EHBP1: variants seen among roughly 807,000 people sequenced by gnomAD.
The protein encoded by EHBP1 is EH domain binding protein 1.
Under a neutral mutation model 144.0 loss-of-function variants are expected in EHBP1, and 55 were observed. The observed-to-expected ratio is 0.38, with a 90% confidence interval of 0.31 to 0.48. The LOEUF (loss-of-function observed/expected upper bound fraction) is 0.48. Ranked by LOEUF, EHBP1 falls within the 20% of genes least tolerant of loss-of-function variation. The pLI, the probability that EHBP1 is intolerant of heterozygous loss-of-function variation, is 0.98. For missense variants in EHBP1, 1,200 were observed against 1,364.2 expected (o/e 0.88, Z 1.90); for synonymous variants, 469 against 472.7 (o/e 0.99, Z 0.10).
At chr2:62,770,962 A>G (rs1263747160) in intron 4 of EHBP1, among the ~76,000 whole-genome samples, 2 of 152,280 alleles carry the variant, frequency 1.3e-5, no homozygotes, top group Middle Eastern at 3.4e-3. Context: ...ATGAAAACTC[A>G]TGAACATGAA....
intron 10 of EHBP1, among the ~76,000 whole-genome samples, chr2:62,894,927 A>AAGAGAGAGAG (rs57403564): frequency 0.062 from 8,794 of 141,058 alleles, 385 homozygotes; most frequent in East Asian, 0.11. Flanking sequence ...AACAGAAAGA[A>AAGAGAGAGAG]AGAGAGAGAG....
chr2:62,811,680 A>G (rs2045019823), intron 5 of EHBP1, among the ~76,000 whole-genome samples: 1 of 152,234 alleles, frequency 6.6e-6, no homozygotes, highest in African/African-American at 2.4e-5. Flanking sequence ...TATAACTGTT[A>G]GGTACAGCAT....
chr2:63,014,195 A>G lies in EHBP1; in HGVS notation c.3103+17429A>G, dbSNP rs116265291. Among the ~76,000 whole-genome samples, 405 of 152,304 alleles carry G rather than the reference A, an allele frequency of 2.7e-3. 3 individuals are homozygous for G. Among genetic ancestry groups the G allele is most frequent in the African/African-American group, 9.5e-3 (395 of 41,564 alleles). ...ACAAGTGCTAAAATACAGGTTTCTC[A>G]GTATTGTTTCACATGTAAAGCAAAA... On this transcript the variant is annotated intron_variant, in intron 19 of 22. Coordinates refer to ENST00000431489, the MANE Select transcript of EHBP1 (RefSeq NM_001142616.3).
intron 1 of EHBP1, among the ~76,000 whole-genome samples, chr2:62,680,693 G>C (rs1271767637): frequency 6.6e-6 from 1 of 152,150 alleles, no homozygotes; most frequent in East Asian, 1.9e-4. Context: ...CTCCCTTTAA[G>C]AGAGCTACTC....
intron 19 of EHBP1, among the ~76,000 whole-genome samples, chr2:63,023,311 A>G (rs1296832902): frequency 6.6e-6 from 1 of 152,168 alleles, no homozygotes; most frequent in African/African-American, 2.4e-5. Flanking sequence ...AATTTTTTAG[A>G]GAAACAAAGA....
chr2:62,732,024 ACT>A (rs926998403), intron 2 of EHBP1, among the ~76,000 whole-genome samples: 93 of 151,492 alleles, frequency 6.1e-4, no homozygotes, highest in African/African-American at 2.0e-3. Flanking sequence ...ATTTTATTTC[ACT>A]CTCTTCCTGC....
At chr2:62,744,901 C>T (rs1279134111) in intron 2 of EHBP1, among the ~76,000 whole-genome samples, 2 of 152,064 alleles carry the variant, frequency 1.3e-5, no homozygotes, top group Non-Finnish European at 2.9e-5. Flanking sequence ...TCAGCCTTGG[C>T]TGCACATTAG....
chr2:62,880,155 G>C lies in EHBP1; in HGVS notation c.1185+5623G>C, dbSNP rs1171132453. On this transcript the variant is annotated intron_variant, in intron 10 of 22. Coordinates refer to ENST00000431489, the MANE Select transcript of EHBP1 (RefSeq NM_001142616.3). ...CAAGTGGTGCCAGGTTAACTGGATAGCCATGTAAAGAAGATTGAAACTGGA... is the reference window on the plus strand; with the variant it reads ...CAAGTGGTGCCAGGTTAACTGGATACCCATGTAAAGAAGATTGAAACTGGA... Among the ~76,000 whole-genome samples the C allele has an allele frequency of 2.0e-5, 3 of 152,104 alleles. No homozygotes were observed. The East Asian group carries it at 5.8e-4, about 29-fold the overall frequency.
chr2:62,967,806 A>T (rs1416225847), intron 14 of EHBP1, among the ~76,000 whole-genome samples: 1 of 152,214 alleles, frequency 6.6e-6, no homozygotes, highest in East Asian at 1.9e-4. Context: ...CAAGGTAAAG[A>T]ACACTTCTTC....
At chr2:62,738,033 G>C (rs2038328073) in intron 2 of EHBP1, among the ~76,000 whole-genome samples, 1 of 152,118 alleles carries the variant, frequency 6.6e-6, no homozygotes, top group Non-Finnish European at 1.5e-5. Context: ...TCAAGTTGTT[G>C]GGATTATAGG....
At chr2:63,019,225 G>C (rs1010504876) in intron 19 of EHBP1, among the ~76,000 whole-genome samples, 1 of 152,152 alleles carries the variant, frequency 6.6e-6, no homozygotes, top group African/African-American at 2.4e-5. Flanking sequence ...TTCTAATACA[G>C]GTGATCCACA....
chr2:63,014,605 A>C (rs2060407015), intron 19 of EHBP1, among the ~76,000 whole-genome samples: 1 of 152,244 alleles, frequency 6.6e-6, no homozygotes, highest in Non-Finnish European at 1.5e-5. Flanking sequence ...GAATAAGAGT[A>C]GTCAACTCCA....
chr2:62,927,749 A>G (rs191717419), intron 10 of EHBP1, among the ~76,000 whole-genome samples: 5 of 152,328 alleles, frequency 3.3e-5, no homozygotes, highest in Non-Finnish European at 7.3e-5. Flanking sequence ...TGGACAACAC[A>G]GTATGTGAAC....
chr2:62,782,261 G>T lies in EHBP1; in HGVS notation c.312+10869G>T, dbSNP rs1031796354. Among the ~76,000 whole-genome samples, 9 of 152,336 alleles carry T rather than the reference G, an allele frequency of 5.9e-5. No homozygotes were observed. In the South Asian group the frequency reaches 1.9e-3, roughly 32 times the overall value. On this transcript the variant is annotated intron_variant, in intron 5 of 22. Coordinates refer to ENST00000431489, the MANE Select transcript of EHBP1 (RefSeq NM_001142616.3). ...CAAGAGTAAGGTGATATGTACTATG[G>T]TAAATGTATAATGATAGCTGAAAAG...
chr2:62,910,069 A>G (rs1428235224), intron 10 of EHBP1, among the ~76,000 whole-genome samples: 1 of 152,080 alleles, frequency 6.6e-6, no homozygotes, highest in African/African-American at 2.4e-5. Context: ...TGTGTTTTTA[A>G]TCGAAGTTCA....
chr2:62,793,074 G>A lies in EHBP1; in HGVS notation c.312+21682G>A, dbSNP rs561066976. On this transcript the variant is annotated intron_variant, in intron 5 of 22. Coordinates refer to ENST00000431489, the MANE Select transcript of EHBP1 (RefSeq NM_001142616.3). ...GATTTTAATTTAGCATTTTTCTTTC[G>A]AACATATACATGTTGTATAATTTTT... 1.1e-4 allele frequency among the ~76,000 whole-genome samples: 17 copies of A among 151,806 alleles called. No homozygotes were observed. In the South Asian group the frequency reaches 2.1e-3, roughly 19 times the overall value.
intron 19 of EHBP1, among the ~76,000 whole-genome samples, chr2:63,010,464 G>A (rs2060219996): frequency 6.6e-6 from 1 of 151,518 alleles, no homozygotes; most frequent in African/African-American, 2.4e-5. Context: ...ATTTTCCATA[G>A]TGTGTTCACA....
At chr2:63,004,032 A>G (rs2059941103) in intron 19 of EHBP1, among the ~76,000 whole-genome samples, 1 of 152,054 alleles carries the variant, frequency 6.6e-6, no homozygotes, top group African/African-American at 2.4e-5. Context: ...TCTATAAAGT[A>G]TTATTTTGCT....
chr2:62,972,927 C>T (rs962095251), intron 14 of EHBP1, among the ~76,000 whole-genome samples: 1 of 151,994 alleles, frequency 6.6e-6, no homozygotes, highest in Admixed American at 6.6e-5. Flanking sequence ...ACAGAAAGTC[C>T]CATTAGGGCT....
Sources: gnomAD v4.1 joint callset for allele counts (sites outside exome capture counted in the v4.1 genomes callset) on GRCh38, gnomAD v4.1.1 for gene constraint, MANE v1.5 for transcripts, NCBI Gene and HGNC (gene_info 2026-07-23, HGNC 2026-07-21) for gene names.